The following CNTN5 variants were observed in gnomAD, a reference collection of about 807,000 sequenced individuals.
The protein encoded by CNTN5 is contactin 5.
Under a neutral mutation model 129.1 loss-of-function variants are expected in CNTN5, and 77 were observed. The observed-to-expected ratio is 0.60, with a 90% confidence interval of 0.50 to 0.72. The LOEUF (loss-of-function observed/expected upper bound fraction) is 0.72, where lower values mean the gene tolerates loss of function less well. Ranked by LOEUF, CNTN5 falls within the 30% of genes least tolerant of loss-of-function variation. CNTN5 has a pLI of 0.00. For missense variants in CNTN5, 1,478 were observed against 1,328.8 expected (o/e 1.11, Z -1.75); for synonymous variants, 509 against 465.6 (o/e 1.09, Z -1.20).
intron 13 of CNTN5, among the ~76,000 whole-genome samples, chr11:100,133,125 C>G (rs1047449249): frequency 6.6e-6 from 1 of 151,992 alleles, no homozygotes; most frequent in African/African-American, 2.4e-5. Context: ...CCACATAGAT[C>G]AAAAGAAATT....
intron 16 of CNTN5, among the ~76,000 whole-genome samples, chr11:100,255,469 T>A (rs1253004712): frequency 6.6e-6 from 1 of 152,298 alleles, no homozygotes; most frequent in Middle Eastern, 3.4e-3. Flanking sequence ...GGCATTCACA[T>A]CTTTGTGTTT....
intron 8 of CNTN5, among the ~76,000 whole-genome samples, chr11:100,000,093 C>T (rs1231999126): frequency 6.6e-6 from 1 of 151,660 alleles, no homozygotes; most frequent in Non-Finnish European, 1.5e-5. Context: ...ACCAGCATGG[C>T]ACATGTGTAC....
At chr11:100,126,186 T>A (rs1000043322) in intron 13 of CNTN5, among the ~76,000 whole-genome samples, 2 of 151,906 alleles carry the variant, frequency 1.3e-5, no homozygotes, top group Non-Finnish European at 2.9e-5. Context: ...TGATTTTGAG[T>A]TTTTTTTAAT....
intron 3 of CNTN5, among the ~76,000 whole-genome samples, chr11:99,632,881 A>C (rs993220328): frequency 6.6e-6 from 1 of 151,732 alleles, no homozygotes; most frequent in African/African-American, 2.4e-5. Flanking sequence ...TTAATTACTT[A>C]AGGTATCTTC....
intron 1 of CNTN5, among the ~76,000 whole-genome samples, chr11:99,077,455 A>T (rs1020930226): frequency 1.3e-5 from 2 of 152,192 alleles, no homozygotes; most frequent in Admixed American, 1.3e-4. Flanking sequence ...TACAGTTTGT[A>T]TATTATTTAT....
intron 2 of CNTN5, among the ~76,000 whole-genome samples, chr11:99,412,013 G>C (rs1942417162): frequency 1.3e-5 from 2 of 152,054 alleles, no homozygotes; most frequent in Admixed American, 6.5e-5. Flanking sequence ...AAACTAAGAA[G>C]CATACCAGAA....
At position 99,837,365 on chromosome 11, in the gene CNTN5, T is replaced by C. The variant is rs945270759; in HGVS notation, c.278-7487T>C. On this transcript the variant is annotated intron_variant, in intron 4 of 24. Coordinates refer to ENST00000524871, the MANE Select transcript of CNTN5 (RefSeq NM_014361.4). Reference sequence around the variant, plus strand: ...TTTCTTTTGTATTCACATCACATTCTGCTTAGTTGTTGAATGAAGTGCTCT... The same window carrying C: ...TTTCTTTTGTATTCACATCACATTCCGCTTAGTTGTTGAATGAAGTGCTCT... Among the ~76,000 whole-genome samples, 3 of 152,178 alleles carry C rather than the reference T, an allele frequency of 2.0e-5. No individual in the cohort carries two copies. In the South Asian group the frequency reaches 6.2e-4, roughly 31 times the overall value.
At chr11:100,327,171 A>T (rs1170727806) in intron 21 of CNTN5, among the ~76,000 whole-genome samples, 1 of 152,238 alleles carries the variant, frequency 6.6e-6, no homozygotes, top group Non-Finnish European at 1.5e-5. Context: ...ATTGTGCCAC[A>T]GGCACACTCC....
intron 8 of CNTN5, among the ~76,000 whole-genome samples, chr11:99,982,528 A>G (rs1938412098): frequency 6.6e-6 from 1 of 152,224 alleles, no homozygotes; most frequent in Non-Finnish European, 1.5e-5. Flanking sequence ...TGAAAAGAAT[A>G]CAGGTATTAT....
At chr11:100,023,947 T>A (rs1412139497) in intron 9 of CNTN5, among the ~76,000 whole-genome samples, 1 of 152,204 alleles carries the variant, frequency 6.6e-6, no homozygotes, top group Non-Finnish European at 1.5e-5. Flanking sequence ...TTTTGGTACT[T>A]ATGAATAAAG....
At chr11:99,985,367 G>C (rs1173736843) in intron 8 of CNTN5, among the ~76,000 whole-genome samples, 1 of 152,076 alleles carries the variant, frequency 6.6e-6, no homozygotes, top group Non-Finnish European at 1.5e-5. Flanking sequence ...AGTCCAGCTG[G>C]ATCTTCCCTG....
chr11:99,042,622 G>A (rs1452358589), intron 1 of CNTN5, among the ~76,000 whole-genome samples: 1 of 151,912 alleles, frequency 6.6e-6, no homozygotes, highest in Non-Finnish European at 1.5e-5. Context: ...TGATCTGCCT[G>A]TCTCGGCCTC....
chr11:99,715,004 C>CGTTT (rs1955160320), intron 3 of CNTN5, among the ~76,000 whole-genome samples: 2 of 151,868 alleles, frequency 1.3e-5, no homozygotes, highest in Non-Finnish European at 2.9e-5. Flanking sequence ...TTTATGCCTT[C>CGTTT]GTTTTCTCAT....
intron 1 of CNTN5, among the ~76,000 whole-genome samples, chr11:99,131,644 A>G (rs1444530065): frequency 5.9e-5 from 9 of 152,158 alleles, no homozygotes; most frequent in Non-Finnish European, 5.9e-5. Context: ...AAACTGGGAA[A>G]CATAGAAGAA....
At chr11:100,038,968 AT>A (rs1232528276) in intron 9 of CNTN5, among the ~76,000 whole-genome samples, 2 of 152,070 alleles carry the variant, frequency 1.3e-5, no homozygotes, top group Non-Finnish European at 2.9e-5. Context: ...GCCCATTTAC[AT>A]TTAAGGTTAA....
chr11:99,848,779 A>G (rs1039757161), intron 6 of CNTN5, among the ~76,000 whole-genome samples: 2 of 152,146 alleles, frequency 1.3e-5, no homozygotes, highest in Admixed American at 6.5e-5. Flanking sequence ...ATGCTGGGCT[A>G]GTGCTATCAG....
intron 1 of CNTN5, among the ~76,000 whole-genome samples, chr11:99,042,362 C>CTTTTT (rs1442841983): frequency 7.5e-5 from 9 of 120,736 alleles, no homozygotes; most frequent in African/African-American, 2.9e-4. Context: ...CCTTCTTCTT[C>CTTTTT]TTCTTTTTTT....
intron 9 of CNTN5, among the ~76,000 whole-genome samples, chr11:100,009,203 C>A (rs142563716): frequency 1.3e-5 from 2 of 151,974 alleles, no homozygotes; most frequent in Non-Finnish European, 2.9e-5. Flanking sequence ...CTGAATTTAG[C>A]GAAAATTCAG....
At chr11:100,295,368 A>G (rs1186157885) in intron 18 of CNTN5, among the ~76,000 whole-genome samples, 1 of 151,516 alleles carries the variant, frequency 6.6e-6, no homozygotes, top group Non-Finnish European at 1.5e-5. Context: ...GAAGTGAATC[A>G]AATCATAGAA....
Sources: allele counts gnomAD v4.1 joint callset (sites outside exome capture counted in the v4.1 genomes callset), GRCh38; gene constraint gnomAD v4.1.1; transcripts MANE v1.5; gene names NCBI Gene and HGNC (gene_info 2026-07-23, HGNC 2026-07-21).